Variants in IPO8 observed in about 807,000 individuals in gnomAD.
IPO8 encodes the protein importin-8.
IPO8 carries 65 observed loss-of-function variants against 141.2 expected under a neutral mutation model. The observed-to-expected ratio is 0.46, with a 90% confidence interval of 0.38 to 0.57. The LOEUF is 0.57. IPO8 is among the 20% of genes least tolerant of loss of function. The pLI, the probability that IPO8 is intolerant of heterozygous loss-of-function variation, is 0.00. For missense variants in IPO8, 980 were observed against 1,246.8 expected (o/e 0.79, Z 3.22); for synonymous variants, 411 against 420.3 (o/e 0.98, Z 0.27).
chr12:30,641,740 G>A (rs1410442977), intron 20 of IPO8, among the ~76,000 whole-genome samples: 1 of 151,974 alleles, frequency 6.6e-6, no homozygotes, highest in Non-Finnish European at 1.5e-5. Context: ...ACCATTTCTT[G>A]GTAATAATGT....
chr12:30,673,911 T>A (rs2053084272), intron 8 of IPO8, 79 bp downstream of exon 8: 1 of 793,678 alleles, frequency 1.3e-6, no homozygotes, highest in Non-Finnish European at 2.1e-6. Flanking sequence ...AGTATGTTTG[T>A]AACCTACTTC....
At chr12:30,634,031 G>GA in intron 23 of IPO8, 52 bp downstream of exon 23, 1 of 1,503,576 alleles carries the variant, frequency 6.7e-7, no homozygotes, top group Non-Finnish European at 9.2e-7. Context: ...AAGAAATGAA[G>GA]AAAGAGTTTA....
At chr12:30,658,632 C>T (rs2052834000) in intron 16 of IPO8, among the ~76,000 whole-genome samples, 1 of 152,136 alleles carries the variant, frequency 6.6e-6, no homozygotes, top group Non-Finnish European at 1.5e-5. Context: ...CTACGCCCCA[C>T]ACACACTTGT....
In IPO8 at chr12:30,659,671, G is replaced by A. The variant is rs566526775; in HGVS notation, c.1881+1470C>T. Among the ~76,000 whole-genome samples the A allele has an allele frequency of 3.2e-4, 48 of 151,300 alleles. No individual in the cohort carries two copies. In the East Asian group the frequency reaches 7.8e-3, roughly 25 times the overall value. Reference sequence around the variant, plus strand: ...TCGAGACCCTCCTGGCTAACAAGGTGAAACCCCGTCTCTAATAAAAAAAAT... The same window carrying A: ...TCGAGACCCTCCTGGCTAACAAGGTAAAACCCCGTCTCTAATAAAAAAAAT... On this transcript the variant is annotated intron_variant, in intron 16 of 24. Transcript: ENST00000256079.
At chr12:30,656,999 TAATA>T (rs1179859521) in intron 16 of IPO8, among the ~76,000 whole-genome samples, 16 of 152,102 alleles carry the variant, frequency 1.1e-4, no homozygotes, top group South Asian at 2.1e-4. Flanking sequence ...AATAAATTCC[TAATA>T]GATAAAAGAT....
intron 2 of IPO8, chr12:30,686,225 A>C (rs2053241130): frequency 6.6e-6 from 1 of 152,194 alleles, no homozygotes; most frequent in African/African-American, 2.4e-5. Context: ...TAGTCATTAT[A>C]TTATGTAACA....
chr12:30,659,169 C>A (rs1222663776), intron 16 of IPO8, among the ~76,000 whole-genome samples: 1 of 152,058 alleles, frequency 6.6e-6, no homozygotes, highest in Non-Finnish European at 1.5e-5. Context: ...CATGAGCCAC[C>A]GCGCCGGGCC....
intron 1 of IPO8, among the ~76,000 whole-genome samples, chr12:30,693,929 A>G (rs532236509): frequency 2.4e-4 from 37 of 152,036 alleles, no homozygotes; most frequent in Middle Eastern, 3.4e-3. Flanking sequence ...ATACCATGGG[A>G]AAAAAAATAG....
rs775077049 is a variant in IPO8 at position 30,641,142 on chromosome 12, C to T, written c.2269-1407G>A. 6.6e-5 allele frequency among the ~76,000 whole-genome samples: 10 copies of T among 152,252 alleles called. No homozygotes were observed. The East Asian group carries it at 9.6e-4, about 15-fold the overall frequency. ...ATTATGGAAGCTGGTTGGACTACTA[C>T]GTAAATGCACAATTAGAGCACTGTG... On this transcript the variant is annotated intron_variant, in intron 20 of 24. Coordinates refer to ENST00000256079, the MANE Select transcript of IPO8 (RefSeq NM_006390.4).
intron 16 of IPO8, among the ~76,000 whole-genome samples, chr12:30,660,491 T>C (rs1005835248): frequency 6.6e-6 from 1 of 152,200 alleles, no homozygotes; most frequent in Non-Finnish European, 1.5e-5. Context: ...GCAAGTTTCT[T>C]AAATCCACCT....
chr12:30,695,366 G>A lies in IPO8; in HGVS notation c.84+198C>T, dbSNP rs2053328509. 6.6e-6 allele frequency among the ~76,000 whole-genome samples: 1 copy of A among 152,210 alleles called. No individual in the cohort carries two copies. Among genetic ancestry groups the A allele is most frequent in the Non-Finnish European group, 1.5e-5 (1 of 68,036 alleles). On this transcript the variant is annotated intron_variant, in intron 1 of 24. Transcript: ENST00000256079. This position sits in a 1 kb window ranked among gnomAD's most constrained non-coding sequence, Gnocchi z 4.2. ...AGGTGCAAAGGTGGCCAACAGGTGCGCGAGCTGTTCGGCAAAGATCCTGGG... is the reference window on the plus strand; with the variant it reads ...AGGTGCAAAGGTGGCCAACAGGTGCACGAGCTGTTCGGCAAAGATCCTGGG...
chr12:30,664,902 G>A (rs2052940469), intron 13 of IPO8, among the ~76,000 whole-genome samples: 1 of 152,140 alleles, frequency 6.6e-6, no homozygotes, highest in South Asian at 2.1e-4. Flanking sequence ...ATGAAGCCCA[G>A]CTAATTTTTT....
rs1348883745 is a variant in IPO8 at position 30,695,036 on chromosome 12, ACT to A, written c.84+526_84+527del. The A allele has an allele frequency of 2.2e-6, 1 of 456,156 alleles. No homozygotes were observed. The highest frequency in any genetic ancestry group is 4.4e-6 in the Non-Finnish European group (1 of 227,130). 28.3% of individuals were successfully genotyped at this position (456,156 alleles called of 1,614,324 possible). Reference sequence around the variant, plus strand: ...GAAAACTGCCTATTCTTCCCAGAGCACTCTCCCAACAGCACTGCCCAGCGCTC... The same window carrying A: ...GAAAACTGCCTATTCTTCCCAGAGCACTCCCAACAGCACTGCCCAGCGCTC... On this transcript the variant is annotated intron_variant, in intron 1 of 24. Transcript: ENST00000256079. This position sits in a 1 kb window ranked among gnomAD's most constrained non-coding sequence, Gnocchi z 4.2.
chr12:30,630,954 G>C lies in IPO8; in HGVS notation c.3020C>G (p.Ala1007Gly), dbSNP rs376320931. Residue 1007 changes from alanine (A) to glycine (G), a missense_variant, in exon 25 of 25, where the codon GCA (alanine) becomes GGA (glycine). By Grantham distance (60) the Ala-to-Gly change is moderately conservative (BLOSUM62 0). Transcript: ENST00000256079. ...TCCCTGTTGTTCAATCTTCTTCTTTGCCTCTAGCATTTTTCAAAAGAAAAG... is the reference window on the plus strand; with the variant it reads ...TCCCTGTTGTTCAATCTTCTTCTTTCCCTCTAGCATTTTTCAAAAGAAAAG... ...LAEHRRTVAEAKKKIEQQGGF... is the reference protein window; with the variant it reads ...LAEHRRTVAEGKKKIEQQGGF... 105 of 1,611,240 alleles carry C rather than the reference G, an allele frequency of 6.5e-5. No homozygotes were observed. The highest frequency in any genetic ancestry group is 1.8e-4 in the Middle Eastern group (1 of 5,494).
chr12:30,676,702 T>C (rs1430916811), intron 5 of IPO8, 115 bp from the exon 6 acceptor site: 7 of 824,930 alleles, frequency 8.5e-6, no homozygotes, highest in Non-Finnish European at 1.4e-5. Flanking sequence ...AGAATGAAAA[T>C]AGCAATCTTG....
intron 10 of IPO8, among the ~76,000 whole-genome samples, chr12:30,667,378 C>G (rs2052981237): frequency 6.6e-6 from 1 of 152,118 alleles, no homozygotes; most frequent in African/African-American, 2.4e-5. Flanking sequence ...AACATCAAAG[C>G]CTGAGCTCTT....
At chr12:30,643,104 A>G (rs557987769) in intron 20 of IPO8, among the ~76,000 whole-genome samples, 35 of 152,342 alleles carry the variant, frequency 2.3e-4, no homozygotes, top group African/African-American at 8.2e-4. Context: ...ATTTATGAGA[A>G]AACATTTCTC....
Position 30,663,516 on chromosome 12 carries a change from G to C in IPO8, c.1567C>G (p.Gln523Glu). Residue 523 changes from glutamine (Q) to glutamate (E), a missense_variant, in exon 14 of 25, where the codon CAG becomes GAG. This residue lies in a region of IPO8 where 924 missense variants were observed against 1,153.9 expected (regional missense o/e 0.80). Transcript: ENST00000256079. ...TGTATCTGGTTAGAAATTAAAGACT[G>C]AAGAGCAAGGGCAGCTTCAACTTTG... ...PVKVEAALALQSLISNQIQAK... is the reference protein window; with the variant it reads ...PVKVEAALALESLISNQIQAK... 1 of 1,613,174 alleles carries C rather than the reference G, an allele frequency of 6.2e-7. No homozygotes were observed. The highest frequency in any genetic ancestry group is 8.5e-7 in the Non-Finnish European group (1 of 1,179,614).
chr12:30,672,487 A>C (rs2053065508), intron 8 of IPO8, among the ~76,000 whole-genome samples: 1 of 152,208 alleles, frequency 6.6e-6, no homozygotes, highest in Non-Finnish European at 1.5e-5. Context: ...GTCCCTGATA[A>C]GAAAACCATT....
Sources: gnomAD v4.1 joint callset for allele counts (sites outside exome capture counted in the v4.1 genomes callset) on GRCh38, gnomAD v4.1.1 for gene constraint, gnomAD v4.1.1 regional missense constraint, Gnocchi (gnomAD v3.1) non-coding constraint, MANE v1.5 for transcripts, NCBI Gene and HGNC (gene_info 2026-07-23, HGNC 2026-07-21) for gene names.